HCN4: variants seen among roughly 807,000 people sequenced by gnomAD.
HCN4 encodes potassium/sodium hyperpolarization-activated cyclic nucleotide-gated channel 4.
A neutral mutation model predicts 76.9 loss-of-function variants in HCN4; 29 were observed. That is an observed-to-expected ratio of 0.38 (90% CI 0.28 to 0.51). HCN4 has a LOEUF of 0.51. HCN4 is among the 20% of genes least tolerant of loss of function. The pLI, the probability that HCN4 is intolerant of heterozygous loss-of-function variation, is 0.90. For missense variants in HCN4, 1,416 were observed against 1,715.2 expected (o/e 0.83, Z 3.08); for synonymous variants, 772 against 762.5 (o/e 1.01, Z -0.21).
chr15:73,340,330 C>T (rs1164262791), intron 2 of HCN4, among the ~76,000 whole-genome samples: 1 of 152,228 alleles, frequency 6.6e-6, no homozygotes, highest in Non-Finnish European at 1.5e-5. Flanking sequence ...CCCTGGGAGG[C>T]TGAGGCCTGG....
At chr15:73,341,069 G>GGGGGGTGTGTGTGT (rs1491312112) in intron 2 of HCN4, 1 of 145,864 alleles carries the variant, frequency 6.9e-6, no homozygotes, top group African/African-American at 2.6e-5. Context: ...GAGGGAGGTA[G>GGGGGGTGTGTGTGT]GTGTGTGTGT....
At chr15:73,336,159 G>A (rs528690373) in intron 2 of HCN4, among the ~76,000 whole-genome samples, 2 of 152,152 alleles carry the variant, frequency 1.3e-5, no homozygotes, top group Admixed American at 1.3e-4. Context: ...GCTGCTGTGG[G>A]GCTGGACAGC....
chr15:73,351,951 C>T (rs1160460730), intron 1 of HCN4, among the ~76,000 whole-genome samples: 1 of 152,160 alleles, frequency 6.6e-6, no homozygotes, highest in Non-Finnish European at 1.5e-5. Context: ...GCCTGGAACT[C>T]TTCTCCCCAC....
At chr15:73,324,526 T>G (rs896777968) in intron 6 of HCN4, among the ~76,000 whole-genome samples, 1 of 152,238 alleles carries the variant, frequency 6.6e-6, no homozygotes, top group Non-Finnish European at 1.5e-5. Context: ...TGATGGTATT[T>G]GGAGGTGGGG....
intron 2 of HCN4, among the ~76,000 whole-genome samples, chr15:73,338,591 C>A (rs2042980060): frequency 6.6e-6 from 1 of 152,232 alleles, no homozygotes. Flanking sequence ...CTTTCCTTCC[C>A]TCTCTTTCCC....
In HCN4 at chr15:73,368,097, G is replaced by A. The variant is rs920292438; in HGVS notation, c.174C>T (p.Pro58=). ...IRLRPLPSPS[P]SAAAGGTESR... is the part of the protein sequence containing the mutation. ...ACTCCGTGCCACCCGCGGCCGCCGA[G>A]GGGGAGGGCGAGGGCAGTGGCCGCA... Residue 58 remains proline (P), a synonymous_variant, in exon 1 of 8, where the codon CCC becomes CCT. Coordinates refer to ENST00000261917, the MANE Select transcript of HCN4 (RefSeq NM_005477.3). The surrounding 1 kb of genome is among the most constrained non-coding windows in gnomAD (Gnocchi z 6.9). 4.0e-6 allele frequency: 6 copies of A among 1,496,762 alleles called. No homozygotes were observed. In the African/African-American group the frequency reaches 5.8e-5, roughly 15 times the overall value. The allele number at this position is 1,496,762 out of a possible 1,614,324, so 92.7% of individuals were successfully genotyped here. A position where few individuals can be genotyped will look rare whatever the true frequency, so the allele number is the denominator to read the frequency against.
Position 73,328,909 on chromosome 15 carries a change from T to C in HCN4, c.1590+664A>G, listed in dbSNP as rs987983235. Reference sequence around the variant, plus strand: ...TGGGCATCTGGGAAGAGCAGAGACTTGGAGTAGAGAGAACAGGGCAGCCTT... The same window carrying C: ...TGGGCATCTGGGAAGAGCAGAGACTCGGAGTAGAGAGAACAGGGCAGCCTT... On this transcript the variant is annotated intron_variant, in intron 4 of 7. Coordinates refer to ENST00000261917, the MANE Select transcript of HCN4 (RefSeq NM_005477.3). This position sits in a 1 kb window ranked among gnomAD's most constrained non-coding sequence, Gnocchi z 4.0. Among the ~76,000 whole-genome samples, 1 of 151,940 alleles carries C rather than the reference T, an allele frequency of 6.6e-6. No individual in the cohort carries two copies. Among genetic ancestry groups the C allele is most frequent in the African/African-American group, 2.4e-5 (1 of 41,354 alleles).
Position 73,322,567 on chromosome 15 carries a change from C to A in HCN4, c.3526G>T (p.Gly1176Trp). Residue 1176 changes from glycine to tryptophan, a missense_variant, in exon 8 of 8, where the codon GGG becomes TGG. Coordinates refer to ENST00000261917, the MANE Select transcript of HCN4 (RefSeq NM_005477.3). ...GGTCCAGCAGTCAGAGGGGGCCCCC[C>A]AGAAGAGGTGGCTCTTGCCCCAAAC... ...SLFGARATSS[G>W]GPPLTAGPQR... The A allele has an allele frequency of 6.2e-7, 1 of 1,608,642 alleles. No individual in the cohort carries two copies.
chr15:73,349,287 C>A (rs1312056396), intron 1 of HCN4, among the ~76,000 whole-genome samples: 1 of 152,100 alleles, frequency 6.6e-6, no homozygotes, highest in Non-Finnish European at 1.5e-5. Flanking sequence ...ACTTTTTGGA[C>A]ACTTACCATT....
In HCN4 at chr15:73,323,852, C is replaced by T. The variant is rs1466739005; in HGVS notation, c.2241G>A (p.Gln747=). 3.1e-6 allele frequency: 5 copies of T among 1,604,922 alleles called. No homozygotes were observed. Among genetic ancestry groups the T allele is most frequent in the Non-Finnish European group, 4.2e-6 (5 of 1,179,944 alleles). The change falls in exon 8 of 8, where the codon CAG becomes CAA. Residue 747 remains glutamine (Q), a synonymous_variant. Coordinates refer to ENST00000261917, the MANE Select transcript of HCN4 (RefSeq NM_005477.3). The part of the protein sequence containing the change: ...QENEIIQQIV[Q]HDREMAHCAH... ...CGCAGTGGGCCATCTCCCGGTCATG[C>T]TGCACAATCTGCTGGATGATCTCAT...
chr15:73,333,391 G>A (rs989997856), intron 2 of HCN4, among the ~76,000 whole-genome samples: 13 of 152,164 alleles, frequency 8.5e-5, no homozygotes, highest in Admixed American at 7.2e-4. Flanking sequence ...CTTGGAGGGG[G>A]GCTTGGGTCA....
In HCN4 at chr15:73,325,043, C is replaced by T; in HGVS notation, c.1890G>A (p.Lys630=). 1.2e-6 allele frequency: 2 copies of T among 1,614,228 alleles called. No individual in the cohort carries two copies. Among genetic ancestry groups the T allele is most frequent in the South Asian group, 2.2e-5 (2 of 91,088 alleles). Residue 630 remains lysine, a synonymous_variant, in exon 6 of 8, where the codon AAG becomes AAA. Coordinates refer to ENST00000261917, the MANE Select transcript of HCN4 (RefSeq NM_005477.3). This position sits in a 1 kb window ranked among gnomAD's most constrained non-coding sequence, Gnocchi z 7.4. ...CGCCATGCTGGATGAAGTACATCTT[C>T]TTGCCAATGGTGCCTTCCCGGATGA... is the stretch of plus-strand genomic sequence containing the variant. ...DYIIREGTIG[K]KMYFIQHGVV...
At chr15:73,339,018 A>G (rs1331316089) in intron 2 of HCN4, among the ~76,000 whole-genome samples, 1 of 152,244 alleles carries the variant, frequency 6.6e-6, no homozygotes, top group Non-Finnish European at 1.5e-5. Flanking sequence ...ATCAGAGGCC[A>G]CACAGCAGCC....
rs1279314845 is a variant in HCN4, at chr15:73,320,647, C to G, written c.*1834G>C. The stretch of plus-strand genomic sequence containing the variant: ...CCCGCAATCTGGAACCTGCTTATGG[C>G]TCCTAGTTGCCAGGACTAAGCCCAG... On this transcript the variant is annotated 3_prime_UTR_variant, in exon 8 of 8. Transcript: ENST00000261917. 2 of 152,220 alleles carry G rather than the reference C, an allele frequency of 1.3e-5. No homozygotes were observed. The highest frequency in any genetic ancestry group is 4.8e-5 in the African/African-American group (2 of 41,438). 9.4% of individuals were successfully genotyped at this position (152,220 alleles called of 1,614,324 possible).
At chr15:73,341,297 C>T (rs927390420) in intron 2 of HCN4, among the ~76,000 whole-genome samples, 10 of 151,804 alleles carry the variant, frequency 6.6e-5, no homozygotes, top group African/African-American at 1.9e-4. Context: ...CCCACCACCA[C>T]GCCTGGCTAA....
At chr15:73,351,681 G>A (rs974301062) in intron 1 of HCN4, among the ~76,000 whole-genome samples, 7 of 152,156 alleles carry the variant, frequency 4.6e-5, no homozygotes, top group Non-Finnish European at 7.4e-5. Context: ...GCTGGGGCCA[G>A]CACCCTCCTC....
chr15:73,362,318 C>T (rs2043108457), intron 1 of HCN4, among the ~76,000 whole-genome samples: 2 of 152,328 alleles, frequency 1.3e-5, no homozygotes, highest in South Asian at 4.1e-4. Context: ...CCTCAGGGAG[C>T]TCAGTTTGGG....
rs2042891616 is a variant in HCN4 at position 73,325,205 on chromosome 15, A to G, written c.1738-10T>C. ...TAAAGTTGATGATCTCCTGCCGGAC[A>G]GGGTGGATTGGGACACGGGAAGGAG... On this transcript the variant is annotated splice_polypyrimidine_tract_variant and intron_variant, in intron 5 of 7. Transcript: ENST00000261917. This position sits in a 1 kb window ranked among gnomAD's most constrained non-coding sequence, Gnocchi z 7.4. 2 of 1,614,038 alleles carry G rather than the reference A, an allele frequency of 1.2e-6. No homozygotes were observed. The highest frequency in any genetic ancestry group is 1.7e-4 in the Middle Eastern group (1 of 6,060).
chr15:73,347,635 A>G (rs1030312619), intron 1 of HCN4, among the ~76,000 whole-genome samples: 10 of 152,324 alleles, frequency 6.6e-5, no homozygotes, highest in Middle Eastern at 3.4e-3. Context: ...CCGAAGCCTC[A>G]AGCTGGATGC....
Sources: gnomAD v4.1 joint callset for allele counts (sites outside exome capture counted in the v4.1 genomes callset) on GRCh38, gnomAD v4.1.1 for gene constraint, Gnocchi (gnomAD v3.1) non-coding constraint, MANE v1.5 for transcripts, NCBI Gene and HGNC (gene_info 2026-07-23, HGNC 2026-07-21) for gene names.